ADAMTS17: variants seen among roughly 807,000 people sequenced by gnomAD.
ADAMTS17 encodes the protein ADAM metallopeptidase with thrombospondin type 1 motif 17.
A neutral mutation model predicts 141.5 loss-of-function variants in ADAMTS17; 113 were observed. The ratio of observed to expected loss-of-function variants is 0.80; its 90% CI spans 0.69 to 0.93. The LOEUF (loss-of-function observed/expected upper bound fraction) is 0.93, where lower values mean the gene tolerates loss of function less well. Among genes scored for constraint, ADAMTS17 ranks in the 40% least tolerant of loss-of-function variants. The pLI is 0.00. For synonymous variants in ADAMTS17, 768 were observed against 630.6 expected, an observed-to-expected ratio of 1.22 and a Z score of -3.27; for missense variants, 1,659 against 1,517.9, an observed-to-expected ratio of 1.09 and a Z score of -1.54.
chr15:100,050,167 G>C (rs185718469), intron 17 of ADAMTS17, among the ~76,000 whole-genome samples: 1 of 152,282 alleles, frequency 6.6e-6, no homozygotes, highest in African/African-American at 2.4e-5. Context: ...ACTGCTTTCA[G>C]CTTTGGTGGC....
At chr15:99,999,680 GCT>G (rs927816657) in intron 18 of ADAMTS17, among the ~76,000 whole-genome samples, 21 of 152,282 alleles carry the variant, frequency 1.4e-4, no homozygotes, top group African/African-American at 5.1e-4. Context: ...GTTCCTTTCG[GCT>G]CTGAGAGGAC....
chr15:100,164,692 G>C (rs2039877333), intron 8 of ADAMTS17, among the ~76,000 whole-genome samples: 1 of 152,178 alleles, frequency 6.6e-6, no homozygotes, highest in South Asian at 2.1e-4. Context: ...AGGTGGACTG[G>C]CGGGGAAAGG....
chr15:100,201,170 C>T (rs2041317571), intron 7 of ADAMTS17, among the ~76,000 whole-genome samples: 2 of 152,164 alleles, frequency 1.3e-5, no homozygotes, highest in South Asian at 4.1e-4. Flanking sequence ...GGCTCTGTGT[C>T]CCCACCCAAA....
chr15:100,112,615 C>T (rs2036857967), intron 13 of ADAMTS17, among the ~76,000 whole-genome samples: 1 of 152,144 alleles, frequency 6.6e-6, no homozygotes, highest in African/African-American at 2.4e-5. Context: ...AGCATCAACA[C>T]TCTTACATCC....
intron 8 of ADAMTS17, among the ~76,000 whole-genome samples, chr15:100,166,320 A>G (rs777641434): frequency 3.3e-5 from 5 of 152,182 alleles, no homozygotes; most frequent in Non-Finnish European, 5.9e-5. Context: ...GGCTTTTCAG[A>G]TGATTCTTTT....
intron 16 of ADAMTS17, among the ~76,000 whole-genome samples, chr15:100,052,799 G>A (rs958789365): frequency 5.9e-5 from 9 of 152,198 alleles, no homozygotes; most frequent in African/African-American, 1.9e-4. Flanking sequence ...ATTTGCAGTG[G>A]ACTTAGCGGG....
chr15:99,979,925 A>C (rs2060449974), intron 20 of ADAMTS17: 1 of 152,222 alleles, frequency 6.6e-6, no homozygotes, highest in Admixed American at 6.5e-5. Context: ...TTTATATCTA[A>C]ATGTGTTATG....
intron 19 of ADAMTS17, among the ~76,000 whole-genome samples, chr15:99,994,063 C>T (rs760056946): frequency 2.0e-5 from 3 of 152,102 alleles, no homozygotes; most frequent in South Asian, 2.1e-4. Flanking sequence ...GGACGGTGCC[C>T]GGGCTGGCAG....
At chr15:100,274,704 T>C (rs1256063484) in intron 4 of ADAMTS17, among the ~76,000 whole-genome samples, 2 of 152,224 alleles carry the variant, frequency 1.3e-5, no homozygotes, top group Non-Finnish European at 2.9e-5. Flanking sequence ...ACTTTTCCAT[T>C]TTGTTATTTG....
chr15:100,239,361 G>A (rs913442153), intron 7 of ADAMTS17, among the ~76,000 whole-genome samples: 2 of 152,362 alleles, frequency 1.3e-5, no homozygotes, highest in African/African-American at 2.4e-5. Flanking sequence ...GAGGAGCGGC[G>A]CTGGTTGTGG....
At chr15:100,091,244 G>A (rs927773993) in intron 15 of ADAMTS17, among the ~76,000 whole-genome samples, 9 of 151,976 alleles carry the variant, frequency 5.9e-5, no homozygotes, top group African/African-American at 2.2e-4. Context: ...TACCCCCGAT[G>A]TGGATGCCAG....
chr15:100,300,066 G>T (rs544359399), intron 3 of ADAMTS17, among the ~76,000 whole-genome samples: 1 of 152,266 alleles, frequency 6.6e-6, no homozygotes, highest in East Asian at 1.9e-4. Context: ...CTTTTCAGAG[G>T]ATTAGCAAGC....
At chr15:100,157,674 A>G (rs2039497826) in intron 8 of ADAMTS17, among the ~76,000 whole-genome samples, 1 of 152,182 alleles carries the variant, frequency 6.6e-6, no homozygotes, top group African/African-American at 2.4e-5. Context: ...AATAGCAAAG[A>G]AAGTGCCAAA....
intron 18 of ADAMTS17, among the ~76,000 whole-genome samples, chr15:100,030,400 C>G (rs551300169): frequency 6.6e-6 from 1 of 152,314 alleles, no homozygotes; most frequent in African/African-American, 2.4e-5. Context: ...GGTTAGCAGA[C>G]AGAAGTGCTG....
At chr15:100,226,102 G>A (rs372779912) in intron 7 of ADAMTS17, among the ~76,000 whole-genome samples, 10 of 148,190 alleles carry the variant, frequency 6.7e-5, no homozygotes, top group South Asian at 2.1e-4. Flanking sequence ...CAGCAGTCAC[G>A]GTCTCTGTGC....
intron 14 of ADAMTS17, among the ~76,000 whole-genome samples, chr15:100,098,281 G>C (rs1276242506): frequency 1.3e-5 from 2 of 151,964 alleles, no homozygotes; most frequent in African/African-American, 4.8e-5. Context: ...CGTGAGCCTG[G>C]AGCGCAGTGC....
chr15:100,108,491 A>G (rs2036543614), intron 14 of ADAMTS17, among the ~76,000 whole-genome samples: 1 of 152,088 alleles, frequency 6.6e-6, no homozygotes, highest in African/African-American at 2.4e-5. Context: ...CTTCACTTAA[A>G]TGGTTTTTAT....
chr15:100,152,464 G>T (rs2039215137), intron 10 of ADAMTS17, 148 bp downstream of exon 10: 1 of 1,019,522 alleles, frequency 9.8e-7, no homozygotes, highest in Non-Finnish European at 1.5e-6. Flanking sequence ...ATGCAAACGT[G>T]TGTGTGCATA....
rs2045441194 is a variant in ADAMTS17 at position 100,312,636 on chromosome 15, G to A, written c.616+18253C>T. Among the ~76,000 whole-genome samples, 3 of 152,214 alleles carry A rather than the reference G, an allele frequency of 2.0e-5. No individual in the cohort carries two copies. The South Asian group carries it at 6.2e-4, about 32-fold the overall frequency. On this transcript the variant is annotated intron_variant, in intron 3 of 21. Transcript: ENST00000268070. The stretch of plus-strand genomic sequence containing the variant: ...AACTGCAGATACAGTGTGATGCTCA[G>A]CCCTTCAGGAGTCAGCAAAGCACTT...
Sources: allele counts gnomAD v4.1 joint callset (sites outside exome capture counted in the v4.1 genomes callset), GRCh38; gene constraint gnomAD v4.1.1; transcripts MANE v1.5; gene names NCBI Gene and HGNC (gene_info 2026-07-23, HGNC 2026-07-21).